The following RBFOX1 variants were observed in gnomAD, a reference collection of about 807,000 sequenced individuals.
The protein encoded by RBFOX1 is RNA binding protein fox-1 homolog 1.
A neutral mutation model predicts 57.7 loss-of-function variants in RBFOX1; 8 were observed. The ratio of observed to expected loss-of-function variants is 0.14; its 90% CI spans 0.08 to 0.25. The LOEUF is 0.25. Ranked by LOEUF, RBFOX1 falls within the 10% of genes least tolerant of loss-of-function variation. The probability of loss-of-function intolerance (pLI) is 1.00; values close to 1 mark genes in which losing one functional copy is unlikely to be tolerated. For missense variants in RBFOX1, 611 were observed against 548.5 expected, an observed-to-expected ratio of 1.11 and a Z score of -1.14; for synonymous variants, 326 against 222.4, an observed-to-expected ratio of 1.47 and a Z score of -4.15.
intron 3 of RBFOX1, among the ~76,000 whole-genome samples, chr16:6,715,769 G>A (rs2064685850): frequency 6.6e-6 from 1 of 152,268 alleles, no homozygotes; most frequent in Non-Finnish European, 1.5e-5. Flanking sequence ...TTATGTGGAA[G>A]AATCCATTTT....
At chr16:6,023,101 T>G (rs1244013497) in intron 1 of RBFOX1, among the ~76,000 whole-genome samples, 2 of 152,084 alleles carry the variant, frequency 1.3e-5, no homozygotes, top group Admixed American at 6.5e-5. Flanking sequence ...AAAGTTTCAG[T>G]AATGTTGTAA....
intron 3 of RBFOX1, among the ~76,000 whole-genome samples, chr16:5,611,882 C>A (rs1027137629): frequency 1.4e-5 from 2 of 147,492 alleles, no homozygotes; most frequent in South Asian, 4.4e-4. Context: ...AATCCCTGCA[C>A]TTTGTAAGGC....
chr16:5,481,045 C>G (rs1429346545), intron 2 of RBFOX1, among the ~76,000 whole-genome samples: 2 of 152,180 alleles, frequency 1.3e-5, no homozygotes, highest in Admixed American at 6.5e-5. Context: ...TGCCTGTTAT[C>G]CCACACAAGT....
intron 3 of RBFOX1, among the ~76,000 whole-genome samples, chr16:6,885,908 T>C (rs548901492): frequency 6.6e-6 from 1 of 152,336 alleles, no homozygotes; most frequent in African/African-American, 2.4e-5. Flanking sequence ...AGAATGAACG[T>C]TGACTTTATT....
intron 1 of RBFOX1, among the ~76,000 whole-genome samples, chr16:6,193,703 T>A (rs1051485254): frequency 5.3e-5 from 8 of 152,118 alleles, no homozygotes; most frequent in African/African-American, 1.9e-4. Context: ...TTCAGCCTGA[T>A]TTTTACCTTG....
chr16:7,377,281 A>G (rs2097701901), intron 4 of RBFOX1, among the ~76,000 whole-genome samples: 1 of 152,164 alleles, frequency 6.6e-6, no homozygotes, highest in South Asian at 2.1e-4. Flanking sequence ...AGCAGATGAT[A>G]CTGGGACACA....
At chr16:5,611,466 C>T (rs996241517) in intron 3 of RBFOX1, 2 of 152,246 alleles carry the variant, frequency 1.3e-5, no homozygotes, top group Non-Finnish European at 2.9e-5. Context: ...TGCCTCCCTA[C>T]CAGCGTTGTT....
intron 3 of RBFOX1, among the ~76,000 whole-genome samples, chr16:6,896,676 T>C (rs916160842): frequency 2.0e-5 from 3 of 152,202 alleles, no homozygotes; most frequent in African/African-American, 7.2e-5. Context: ...CAACGCCATA[T>C]AAGTGCTGCT....
chr16:6,367,205 T>A (rs2795553), intron 2 of RBFOX1, among the ~76,000 whole-genome samples: 99,508 of 152,106 alleles, frequency 0.65, 33,913 homozygotes, highest in African/African-American at 0.85. Flanking sequence ...AATTGTAAGC[T>A]GGACATTATG....
rs558875087 is a variant in RBFOX1, at chr16:5,297,318, T to A, written c.219+57213T>A. 2.0e-5 allele frequency among the ~76,000 whole-genome samples: 3 copies of A among 152,314 alleles called. No individual in the cohort carries two copies. The East Asian group carries it at 5.8e-4, about 29-fold the overall frequency. ...GTTCTACTCTTAATTTTTTGAGGAATCTCTGTACTATTTTCCATAATGGCT... is the reference window on the plus strand; with the variant it reads ...GTTCTACTCTTAATTTTTTGAGGAAACTCTGTACTATTTTCCATAATGGCT... On this transcript the variant is annotated intron_variant, in intron 1 of 2. Transcript: ENST00000585867.
chr16:7,108,501 C>G, intron 4 of RBFOX1, among the ~76,000 whole-genome samples: 1 of 152,062 alleles, frequency 6.6e-6, no homozygotes, highest in Middle Eastern at 3.2e-3. Context: ...TGTACTGTCT[C>G]CAGGATATGT....
intron 2 of RBFOX1, among the ~76,000 whole-genome samples, chr16:6,572,313 A>T (rs1323932999): frequency 5.3e-5 from 8 of 152,184 alleles, no homozygotes; most frequent in Non-Finnish European, 1.5e-5. Flanking sequence ...TCTGAGATCT[A>T]GTTATGAATT....
intron 2 of RBFOX1, among the ~76,000 whole-genome samples, chr16:5,485,703 G>T (rs1045603945): frequency 1.3e-5 from 2 of 152,194 alleles, no homozygotes; most frequent in African/African-American, 4.8e-5. Flanking sequence ...TTTTAACTAA[G>T]AGATTCTGTT....
chr16:6,617,607 G>C (rs905868224), intron 2 of RBFOX1, among the ~76,000 whole-genome samples: 2 of 152,084 alleles, frequency 1.3e-5, no homozygotes, highest in African/African-American at 4.8e-5. Flanking sequence ...GGGTTCCAAA[G>C]ATTTACTAAA....
intron 4 of RBFOX1, among the ~76,000 whole-genome samples, chr16:7,111,772 T>C (rs978168954): frequency 6.6e-6 from 1 of 151,902 alleles, no homozygotes; most frequent in Admixed American, 6.6e-5. Flanking sequence ...TTTTTTTATC[T>C]TCAAGGTTCT....
chr16:7,115,388 A>G (rs1054684817), intron 4 of RBFOX1, among the ~76,000 whole-genome samples: 2 of 152,222 alleles, frequency 1.3e-5, no homozygotes, highest in African/African-American at 4.8e-5. Flanking sequence ...TTCTAATGGA[A>G]AACAGAAACT....
At chr16:6,698,703 C>T (rs896952855) in intron 3 of RBFOX1, among the ~76,000 whole-genome samples, 2 of 152,158 alleles carry the variant, frequency 1.3e-5, no homozygotes, top group African/African-American at 4.8e-5. Context: ...CAGCATCTCC[C>T]ACCTGCTGTC....
chr16:6,309,759 G>A (rs1186611868), intron 1 of RBFOX1, among the ~76,000 whole-genome samples: 5 of 152,146 alleles, frequency 3.3e-5, no homozygotes, highest in African/African-American at 4.8e-5. Flanking sequence ...AACAGAAGCA[G>A]ACACAGAGAC....
chr16:7,462,364 G>A (rs1156567794), intron 4 of RBFOX1, among the ~76,000 whole-genome samples: 1 of 152,148 alleles, frequency 6.6e-6, no homozygotes, highest in Non-Finnish European at 1.5e-5. Flanking sequence ...GTATGATGGT[G>A]GGCTCCTTTA....
Sources: gnomAD v4.1 joint callset for allele counts (sites outside exome capture counted in the v4.1 genomes callset) on GRCh38, gnomAD v4.1.1 for gene constraint, MANE v1.5 for transcripts, NCBI Gene and HGNC (gene_info 2026-07-23, HGNC 2026-07-21) for gene names.